The following NRXN3 variants were observed in gnomAD, a reference collection of about 807,000 sequenced individuals.
The protein encoded by NRXN3 is neurexin 3.
NRXN3 carries 32 observed loss-of-function variants against 137.6 expected under a neutral mutation model. The ratio of observed to expected loss-of-function variants is 0.23; its 90% CI spans 0.18 to 0.31. The LOEUF is 0.31. NRXN3 is among the 10% of genes least tolerant of loss of function. NRXN3 has a pLI of 1.00. For synonymous variants in NRXN3, 798 were observed against 784.5 expected (o/e 1.02, Z -0.29); for missense variants, 1,574 against 2,062.5 (o/e 0.76, Z 4.59).
chr14:78,522,108 A>G (rs767133116), intron 4 of NRXN3, among the ~76,000 whole-genome samples: 4 of 152,204 alleles, frequency 2.6e-5, no homozygotes, highest in Non-Finnish European at 5.9e-5. Flanking sequence ...TATCACTAGA[A>G]AAGCCATAAC....
chr14:78,924,805 T>G (rs1177123453), intron 10 of NRXN3, among the ~76,000 whole-genome samples: 1 of 152,232 alleles, frequency 6.6e-6, no homozygotes, highest in African/African-American at 2.4e-5. Flanking sequence ...CAGATGCTGC[T>G]GGTACGCAAT....
intron 16 of NRXN3, among the ~76,000 whole-genome samples, chr14:79,634,658 G>C (rs2098389360): frequency 6.6e-6 from 1 of 152,174 alleles, no homozygotes; most frequent in Admixed American, 6.5e-5. Flanking sequence ...TTACCCGTGA[G>C]CTATATGCCC....
chr14:78,700,746 G>C (rs1567091863), intron 6 of NRXN3, among the ~76,000 whole-genome samples: 1 of 152,026 alleles, frequency 6.6e-6, no homozygotes, highest in Non-Finnish European at 1.5e-5. Context: ...TATCCTTAAT[G>C]CTCTAGAAAC....
intron 20 of NRXN3, among the ~76,000 whole-genome samples, chr14:79,845,290 A>T (rs1424132395): frequency 6.6e-6 from 1 of 152,244 alleles, no homozygotes; most frequent in Non-Finnish European, 1.5e-5. Context: ...CAACAATTTT[A>T]ATCTCTTTCA....
intron 3 of NRXN3, among the ~76,000 whole-genome samples, chr14:78,288,447 C>T (rs1359425415): frequency 2.0e-5 from 3 of 152,174 alleles, no homozygotes; most frequent in Non-Finnish European, 4.4e-5. Context: ...TCTCCCTTTC[C>T]TGGACTTGTG....
At chr14:79,364,286 G>T (rs1421570104) in intron 15 of NRXN3, among the ~76,000 whole-genome samples, 1 of 152,188 alleles carries the variant, frequency 6.6e-6, no homozygotes, top group Non-Finnish European at 1.5e-5. Flanking sequence ...TGGAAGTCTG[G>T]TGATTAGGCC....
At chr14:79,550,725 G>A (rs183915427) in intron 16 of NRXN3, among the ~76,000 whole-genome samples, 10 of 152,196 alleles carry the variant, frequency 6.6e-5, no homozygotes, top group African/African-American at 2.2e-4. Context: ...GAATCACCTG[G>A]ACAGGGGCAC....
rs937857588 is a variant in NRXN3, at chr14:78,463,402, TG to T, written c.757+165545del. Among the ~76,000 whole-genome samples, 49 of 152,084 alleles carry T rather than the reference TG, an allele frequency of 3.2e-4. 1 individual carries two copies. The highest frequency in any genetic ancestry group is 1.2e-3 in the African/African-American group (48 of 41,484). ...TTTAATATAATGATTTCTTCTCCTT[TG>T]GGTAGATACCCAGTAGTGGGACTGT... On this transcript the variant is annotated intron_variant, in intron 4 of 20. Transcript: ENST00000335750.
intron 10 of NRXN3, among the ~76,000 whole-genome samples, chr14:78,924,616 CA>C (rs2099279988): frequency 1.3e-5 from 2 of 152,142 alleles, no homozygotes; most frequent in Admixed American, 1.3e-4. Context: ...TTGATGATAA[CA>C]AACCATTGCC....
chr14:79,272,946 G>A (rs1195982247), intron 15 of NRXN3, among the ~76,000 whole-genome samples: 1 of 152,116 alleles, frequency 6.6e-6, no homozygotes, highest in African/African-American at 2.4e-5. Flanking sequence ...GCCAAGACGA[G>A]CGGATCACGA....
At chr14:79,431,126 A>G (rs1173564065) in intron 15 of NRXN3, among the ~76,000 whole-genome samples, 1 of 152,178 alleles carries the variant, frequency 6.6e-6, no homozygotes, top group African/African-American at 2.4e-5. Context: ...CACAACCTGT[A>G]AACTAAAGAA....
At chr14:78,658,434 A>G (rs557121081) in intron 6 of NRXN3, among the ~76,000 whole-genome samples, 43 of 152,332 alleles carry the variant, frequency 2.8e-4, no homozygotes, top group Admixed American at 2.6e-3. Flanking sequence ...AAGGTTAATG[A>G]AGTTGTTATT....
intron 2 of NRXN3, among the ~76,000 whole-genome samples, chr14:78,261,059 A>G (rs2070624346): frequency 6.6e-6 from 1 of 152,176 alleles, no homozygotes; most frequent in Non-Finnish European, 1.5e-5. Context: ...CTGTAGCTGA[A>G]GAGAGAAAGC....
At chr14:79,521,722 T>C (rs1358001119) in intron 16 of NRXN3, among the ~76,000 whole-genome samples, 1 of 152,210 alleles carries the variant, frequency 6.6e-6, no homozygotes, top group Non-Finnish European at 1.5e-5. Flanking sequence ...TGTCAGGGTT[T>C]ATTCCATTTT....
intron 3 of NRXN3, among the ~76,000 whole-genome samples, chr14:78,296,337 A>C (rs2076334012): frequency 6.6e-6 from 1 of 152,150 alleles, no homozygotes; most frequent in South Asian, 2.1e-4. Flanking sequence ...AAGTGCTAGG[A>C]TTACAGGTGT....
chr14:78,787,813 T>C (rs952102901), intron 8 of NRXN3, among the ~76,000 whole-genome samples: 1 of 152,126 alleles, frequency 6.6e-6, no homozygotes, highest in African/African-American at 2.4e-5. Context: ...CTCAAAGAAA[T>C]ATAAAAGATT....
Position 79,821,143 on chromosome 14 carries a change from G to C in NRXN3, c.4093+15953G>C, listed in dbSNP as rs573840309. Among the ~76,000 whole-genome samples, 28 of 151,912 alleles carry C rather than the reference G, an allele frequency of 1.8e-4. 1 individual carries two copies. Among genetic ancestry groups the C allele is most frequent in the African/African-American group, 6.6e-4 (27 of 41,168 alleles). On this transcript the variant is annotated intron_variant, in intron 20 of 20. Transcript: ENST00000335750. ...TTTAATAAGCTTTGAAGATCAAAGA[G>C]ATTAACAAGAACAAGAGGAAAACAA... is the stretch of plus-strand genomic sequence containing the variant.
At chr14:79,381,346 T>C (rs1371583796) in intron 15 of NRXN3, among the ~76,000 whole-genome samples, 1 of 152,212 alleles carries the variant, frequency 6.6e-6, no homozygotes, top group South Asian at 2.1e-4. Context: ...ACATAATATC[T>C]CTGAAGGCCG....
At chr14:79,290,979 A>G (rs981404718) in intron 15 of NRXN3, among the ~76,000 whole-genome samples, 1 of 152,212 alleles carries the variant, frequency 6.6e-6, no homozygotes, top group Non-Finnish European at 1.5e-5. Context: ...AGATGATTAA[A>G]GGGTTAAAAC....
Sources: allele counts gnomAD v4.1 joint callset (sites outside exome capture counted in the v4.1 genomes callset), GRCh38; gene constraint gnomAD v4.1.1; transcripts MANE v1.5; gene names NCBI Gene and HGNC (gene_info 2026-07-23, HGNC 2026-07-21).